Variants in MTUS2 observed in about 807,000 individuals in gnomAD.
MTUS2 encodes the protein microtubule associated scaffold protein 2.
In MTUS2, 40 loss-of-function variants were observed where a neutral mutation model predicts 114.1. That is an observed-to-expected ratio of 0.35 (90% CI 0.27 to 0.46). The LOEUF (loss-of-function observed/expected upper bound fraction) is 0.46. Among genes scored for constraint, MTUS2 ranks in the 20% least tolerant of loss-of-function variants. The probability of loss-of-function intolerance (pLI) is 1.00; values close to 1 mark genes in which losing one functional copy is unlikely to be tolerated. For synonymous variants in MTUS2, 688 were observed against 672.0 expected, an observed-to-expected ratio of 1.02 and a Z score of -0.37; for missense variants, 1,679 against 1,705.4, an observed-to-expected ratio of 0.98 and a Z score of 0.27.
At chr13:29,282,209 C>T (rs777639300) in intron 6 of MTUS2, among the ~76,000 whole-genome samples, 7 of 152,242 alleles carry the variant, frequency 4.6e-5, no homozygotes, top group Non-Finnish European at 7.3e-5. Flanking sequence ...CTTCAGGCTG[C>T]GCCTCCAGGA....
At chr13:29,030,297 G>A (rs1452454241) in intron 3 of MTUS2, among the ~76,000 whole-genome samples, 3 of 152,202 alleles carry the variant, frequency 2.0e-5, no homozygotes, top group African/African-American at 7.2e-5. Flanking sequence ...GGTGTGGAGA[G>A]AGCATCATGG....
intron 4 of MTUS2, among the ~76,000 whole-genome samples, chr13:29,098,638 CT>C (rs1217347526): frequency 6.6e-6 from 1 of 152,190 alleles, no homozygotes; most frequent in Non-Finnish European, 1.5e-5. Flanking sequence ...TCCAGTGCTA[CT>C]TTTCTACTGA....
rs1376935378 is a variant in MTUS2, at chr13:29,497,318, C to T, written c.3660C>T (p.Asn1220=). 1.2e-6 allele frequency: 2 copies of T among 1,611,718 alleles called. No individual in the cohort carries two copies. The highest frequency in any genetic ancestry group is 1.7e-6 in the Non-Finnish European group (2 of 1,179,754). The change falls in exon 13 of 16, where the codon AAC becomes AAT. Residue 1220 remains asparagine (N), a synonymous_variant. Transcript: ENST00000612955. The part of the protein sequence containing the change: ...ARRFEEALRK[N]TEEQLEIALA... Reference sequence around the variant, plus strand: ...GCTTCGAAGAGGCCTTGAGGAAGAACACAGAGGAGCAGCTGGAGGTCGTTT... The same window carrying T: ...GCTTCGAAGAGGCCTTGAGGAAGAATACAGAGGAGCAGCTGGAGGTCGTTT...
At chr13:29,355,923 C>T (rs575903330) in intron 7 of MTUS2, among the ~76,000 whole-genome samples, 15 of 152,258 alleles carry the variant, frequency 9.9e-5, no homozygotes, top group African/African-American at 3.4e-4. Context: ...TGTTGAAGGC[C>T]TCTATTCACT....
At chr13:29,313,525 T>C (rs1899860734) in intron 6 of MTUS2, among the ~76,000 whole-genome samples, 1 of 152,150 alleles carries the variant, frequency 6.6e-6, no homozygotes, top group East Asian at 1.9e-4. Flanking sequence ...GGAGATTATA[T>C]AGAGAGATAA....
chr13:29,143,255 C>A (rs1892299843), intron 5 of MTUS2, among the ~76,000 whole-genome samples: 1 of 152,096 alleles, frequency 6.6e-6, no homozygotes, highest in African/African-American at 2.4e-5. Flanking sequence ...TGTGGAAATA[C>A]TAGTAGAAAA....
chr13:29,039,437 C>T (rs540634296), intron 4 of MTUS2, among the ~76,000 whole-genome samples: 10 of 152,308 alleles, frequency 6.6e-5, no homozygotes, highest in South Asian at 6.2e-4. Context: ...GCTAGGCCGG[C>T]GCGTCACGGA....
At chr13:28,967,465 TG>T (rs1883649519) in intron 2 of MTUS2, among the ~76,000 whole-genome samples, 1 of 152,198 alleles carries the variant, frequency 6.6e-6, no homozygotes, top group Non-Finnish European at 1.5e-5. Flanking sequence ...AAAAAAGCTC[TG>T]GTCTGTTAAG....
intron 2 of MTUS2, among the ~76,000 whole-genome samples, chr13:28,894,218 T>C (rs189480853): frequency 2.1e-4 from 31 of 145,606 alleles, no homozygotes; most frequent in African/African-American, 6.6e-4. Flanking sequence ...TTAGATGAGG[T>C]CACATGAGGG....
chr13:28,917,112 C>T lies in MTUS2; in HGVS notation c.-243+77262C>T, dbSNP rs553273613. Among the ~76,000 whole-genome samples, 6 of 151,982 alleles carry T rather than the reference C, an allele frequency of 3.9e-5. No homozygotes were observed. In the South Asian group the frequency reaches 1.2e-3, roughly 32 times the overall value. On this transcript the variant is annotated intron_variant, in intron 2 of 15. Transcript: ENST00000612955. ...CCATCCTTGTATCTCAGGAATTAAT[C>T]CGACCTGGTCATGATGATGATCTTT...
chr13:28,936,067 A>G (rs1446608861), intron 2 of MTUS2, among the ~76,000 whole-genome samples: 1 of 152,046 alleles, frequency 6.6e-6, no homozygotes, highest in Non-Finnish European at 1.5e-5. Flanking sequence ...TTTTGAGGCA[A>G]GATTTTGTAT....
chr13:29,469,452 C>G (rs1291803456), intron 9 of MTUS2, among the ~76,000 whole-genome samples: 2 of 151,950 alleles, frequency 1.3e-5, no homozygotes, highest in Non-Finnish European at 2.9e-5. Context: ...GCAGTGAAAC[C>G]CTGTCTCTAC....
chr13:29,375,788 A>G (rs1396195030), intron 8 of MTUS2, among the ~76,000 whole-genome samples: 1 of 151,092 alleles, frequency 6.6e-6, no homozygotes, highest in African/African-American at 2.4e-5. Context: ...GAGCTAAGCT[A>G]TGGGTATGCA....
chr13:29,309,738 C>T (rs1899662550), intron 6 of MTUS2, among the ~76,000 whole-genome samples: 1 of 151,992 alleles, frequency 6.6e-6, no homozygotes, highest in Admixed American at 6.6e-5. Flanking sequence ...ATTTTGCATG[C>T]TTAATAAGGG....
At chr13:29,371,973 C>T (rs1871219604) in intron 8 of MTUS2, among the ~76,000 whole-genome samples, 1 of 14,484 alleles carries the variant, frequency 6.9e-5, no homozygotes, top group Admixed American at 6.0e-4. Context: ...GTCCTCAACC[C>T]CCGCCCCCCC....
At chr13:29,173,666 G>A (rs1893653321) in intron 5 of MTUS2, among the ~76,000 whole-genome samples, 1 of 152,016 alleles carries the variant, frequency 6.6e-6, no homozygotes, top group Non-Finnish European at 1.5e-5. Context: ...TTCTCTCCTG[G>A]AGATGGCTAA....
chr13:28,899,356 A>C (rs1879490420), intron 2 of MTUS2, among the ~76,000 whole-genome samples: 1 of 152,228 alleles, frequency 6.6e-6, no homozygotes, highest in Non-Finnish European at 1.5e-5. Context: ...TTTTGGCCAA[A>C]GGTGGCCAGC....
At chr13:29,201,321 A>G (rs1312524317) in intron 5 of MTUS2, among the ~76,000 whole-genome samples, 1 of 149,654 alleles carries the variant, frequency 6.7e-6, no homozygotes, top group African/African-American at 2.4e-5. Context: ...GTCATAGGCT[A>G]GGAATGCAAC....
intron 8 of MTUS2, among the ~76,000 whole-genome samples, chr13:29,419,481 G>T (rs1297860090): frequency 1.3e-5 from 2 of 152,192 alleles, no homozygotes; most frequent in Non-Finnish European, 2.9e-5. Context: ...GACCAGTTCT[G>T]CCAGGGCTGA....
Sources: allele counts gnomAD v4.1 joint callset (sites outside exome capture counted in the v4.1 genomes callset), GRCh38; gene constraint gnomAD v4.1.1; transcripts MANE v1.5; gene names NCBI Gene and HGNC (gene_info 2026-07-23, HGNC 2026-07-21).